The following DUSP22 variants were observed in gnomAD, a reference collection of about 807,000 sequenced individuals.
DUSP22 encodes dual specificity phosphatase 22.
A neutral mutation model predicts 24.5 loss-of-function variants in DUSP22; 24 were observed. The ratio of observed to expected loss-of-function variants is 0.98; its 90% CI spans 0.71 to 1.38. The LOEUF (loss-of-function observed/expected upper bound fraction) is 1.38. Ranked by LOEUF, DUSP22 falls within the 40% of genes most tolerant of loss-of-function variation. DUSP22 has a pLI of 0.00. For synonymous variants in DUSP22, 160 were observed against 106.4 expected (o/e 1.50, Z -3.10); for missense variants, 330 against 269.2 (o/e 1.23, Z -1.58).
At chr6:316,911 A>T (rs1337204344) in intron 3 of DUSP22, among the ~76,000 whole-genome samples, 1 of 152,304 alleles carries the variant, frequency 6.6e-6, no homozygotes, top group Non-Finnish European at 1.5e-5. Flanking sequence ...TATTGTATGT[A>T]TATACCAGGT....
chr6:299,138 C>T (rs1757470625), intron 1 of DUSP22, among the ~76,000 whole-genome samples: 1 of 152,302 alleles, frequency 6.6e-6, no homozygotes, highest in Non-Finnish European at 1.5e-5. Context: ...CCCAAGTTGC[C>T]TTTACAGGCT....
chr6:325,966 C>A, intron 3 of DUSP22: 1 of 202,186 alleles, frequency 4.9e-6, no homozygotes, highest in Non-Finnish European at 9.1e-6. Flanking sequence ...GCTTCTGCGT[C>A]CTGGTGTGTG....
Position 350,053 on chromosome 6 carries a change from T to G in DUSP22, c.*1102T>G, listed in dbSNP as rs1760118687. On this transcript the variant is annotated 3_prime_UTR_variant, in exon 7 of 7. Transcript: ENST00000419235. ...AAAATGCCTGAGCATTTATTAAGCT[T>G]CTTGGTATTCACTTGGGTTTGATAA... 2.0e-6 allele frequency: 2 copies of G among 985,536 alleles called. No individual in the cohort carries two copies. Among genetic ancestry groups the G allele is most frequent in the Admixed American group, 6.1e-5 (1 of 16,278 alleles). The allele number at this position is 985,536 out of a possible 1,614,324, so 61.0% of individuals were successfully genotyped here. A position where few individuals can be genotyped will look rare whatever the true frequency, so the allele number is the denominator to read the frequency against.
Position 349,336 on chromosome 6 carries a change from T to G in DUSP22, c.*385T>G, listed in dbSNP as rs1430860017. On this transcript the variant is annotated 3_prime_UTR_variant, in exon 7 of 7. Coordinates refer to ENST00000419235, the MANE Select transcript of DUSP22 (RefSeq NM_001286555.3). ...TGAAAGTGTCTGTGCACATGAATGTTTGTGTGTGTGTGAACTCTTTCTTAC... is the reference window on the plus strand; with the variant it reads ...TGAAAGTGTCTGTGCACATGAATGTGTGTGTGTGTGTGAACTCTTTCTTAC... The G allele has an allele frequency of 5.6e-6, 6 of 1,078,544 alleles. No individual in the cohort carries two copies. The highest frequency in any genetic ancestry group is 1.6e-5 in the African/African-American group (1 of 60,816). The allele number at this position is 1,078,544 out of a possible 1,614,324, so 66.8% of individuals were successfully genotyped here.
chr6:331,642 G>A (rs1031239057), intron 3 of DUSP22, among the ~76,000 whole-genome samples: 11 of 152,420 alleles, frequency 7.2e-5, no homozygotes, highest in African/African-American at 2.6e-4. Flanking sequence ...CTTTCTTGTG[G>A]CACTGGGGGA....
rs772308100 is a variant in DUSP22, at chr6:311,954, A to G, written c.130A>G (p.Met44Val). The part of the protein sequence containing the change: ...ILSVHDSARP[M>V]LEGVKYLCIP... ...GTCTGTCCACGATAGTGCCAGGCCT[A>G]TGTTGGAGGTAAGAGAGCACCGTGG... The change falls in exon 3 of 7, where the codon ATG (methionine) becomes GTG (valine). Residue 44 changes from methionine to valine, a missense_variant. Met to Val is a conservative substitution (Grantham distance 21). Transcript: ENST00000419235. 2 of 1,611,760 alleles carry G rather than the reference A, an allele frequency of 1.2e-6. No homozygotes were observed. Among genetic ancestry groups the G allele is most frequent in the South Asian group, 1.1e-5 (1 of 90,886 alleles).
chr6:336,807 T>C (rs1759379484), intron 4 of DUSP22, among the ~76,000 whole-genome samples: 1 of 152,300 alleles, frequency 6.6e-6, no homozygotes, highest in Non-Finnish European at 1.5e-5. Context: ...CTTCCTTGGT[T>C]ACTAGTCGTG....
intron 3 of DUSP22, among the ~76,000 whole-genome samples, chr6:328,699 A>G (rs923066828): frequency 6.0e-4 from 92 of 152,388 alleles, no homozygotes; most frequent in Non-Finnish European, 1.1e-3. Flanking sequence ...AAGAAAATAC[A>G]TCTTCAGTTT....
At chr6:330,301 C>T (rs565371080) in intron 3 of DUSP22, among the ~76,000 whole-genome samples, 7 of 152,424 alleles carry the variant, frequency 4.6e-5, no homozygotes, top group Non-Finnish European at 7.3e-5. Context: ...TTTGAAGAGG[C>T]TCCTGCAGGG....
At chr6:348,472 C>T (rs745493090) in intron 6 of DUSP22, 198 bp downstream of exon 6, 2 of 967,244 alleles carry the variant, frequency 2.1e-6, no homozygotes, top group Admixed American at 2.9e-5. Context: ...CAGGCGCCTA[C>T]CCTTTGTCAT....
rs1466466409 is a variant in DUSP22, at chr6:350,813, T to G, written c.*1862T>G. The G allele has an allele frequency of 6.2e-7, 1 of 1,614,282 alleles. No individual in the cohort carries two copies. The highest frequency in any genetic ancestry group is 1.7e-5 in the Admixed American group (1 of 60,038). ...AATATTTGTTGCCAGTAATGTTCTTTCTTCACAGCCGCTCCGGGAATTCTG... is the reference window on the plus strand; with the variant it reads ...AATATTTGTTGCCAGTAATGTTCTTGCTTCACAGCCGCTCCGGGAATTCTG... On this transcript the variant is annotated 3_prime_UTR_variant, in exon 7 of 7. Transcript: ENST00000419235.
At chr6:321,254 C>G (rs1440896297) in intron 3 of DUSP22, among the ~76,000 whole-genome samples, 1 of 152,302 alleles carries the variant, frequency 6.6e-6, no homozygotes, top group East Asian at 1.9e-4. Flanking sequence ...GGGAGCTCAC[C>G]AGGGTGGCTG....
chr6:342,839 A>G (rs1759672815), intron 4 of DUSP22, among the ~76,000 whole-genome samples: 1 of 152,312 alleles, frequency 6.6e-6, no homozygotes, highest in Non-Finnish European at 1.5e-5. Context: ...ACAGAGCTGC[A>G]GGAAGACAGG....
intron 3 of DUSP22, among the ~76,000 whole-genome samples, chr6:315,541 C>A (rs567436908): frequency 1.3e-5 from 2 of 152,414 alleles, no homozygotes; most frequent in South Asian, 4.1e-4. Flanking sequence ...TTAGTGGTAT[C>A]GGTAGATCTT....
intron 4 of DUSP22, among the ~76,000 whole-genome samples, chr6:336,467 T>C (rs1406776858): frequency 6.6e-6 from 1 of 152,312 alleles, no homozygotes; most frequent in Admixed American, 6.5e-5. Context: ...TATTGAACGC[T>C]GGCCATCAGC....
intron 2 of DUSP22, among the ~76,000 whole-genome samples, chr6:308,695 A>G (rs375662048): frequency 3.0e-3 from 455 of 152,244 alleles, no homozygotes; most frequent in African/African-American, 0.01. Context: ...AAAATGTTCT[A>G]AAGTTATATA....
intron 3 of DUSP22, among the ~76,000 whole-genome samples, chr6:315,427 G>A (rs1405019747): frequency 6.6e-6 from 1 of 152,306 alleles, no homozygotes; most frequent in Non-Finnish European, 1.5e-5. Context: ...TGGCTGTCTG[G>A]GTAGCTTGAT....
rs1760122931 is a variant in DUSP22 at position 350,146 on chromosome 6, C to A, written c.*1195C>A. On this transcript the variant is annotated 3_prime_UTR_variant, in exon 7 of 7. Transcript: ENST00000419235. Reference sequence around the variant, plus strand: ...TTTGGTATGCAAGTCAGCTTTGCCTCACAGTTGAAAATGTTCGGTCATGAT... The same window carrying A: ...TTTGGTATGCAAGTCAGCTTTGCCTAACAGTTGAAAATGTTCGGTCATGAT... 2 of 986,154 alleles carry A rather than the reference C, an allele frequency of 2.0e-6. No homozygotes were observed. The highest frequency in any genetic ancestry group is 4.7e-5 in the South Asian group (1 of 21,316). 61.1% of individuals were successfully genotyped at this position (986,154 alleles called of 1,614,324 possible). A position where few individuals can be genotyped will look rare whatever the true frequency, so the allele number is the denominator to read the frequency against.
chr6:324,400 G>A (rs1023039071), intron 3 of DUSP22, among the ~76,000 whole-genome samples: 3 of 152,300 alleles, frequency 2.0e-5, no homozygotes, highest in African/African-American at 4.8e-5. Context: ...ACCTGCTGCC[G>A]CGAACCTCAG....
Sources: gnomAD v4.1 joint callset for allele counts (sites outside exome capture counted in the v4.1 genomes callset) on GRCh38, gnomAD v4.1.1 for gene constraint, MANE v1.5 for transcripts, NCBI Gene and HGNC (gene_info 2026-07-23, HGNC 2026-07-21) for gene names.